The following FAM13C variants were observed in gnomAD, a reference collection of about 807,000 sequenced individuals.
FAM13C encodes family with sequence similarity 13 member C.
Under a neutral mutation model 73.2 loss-of-function variants are expected in FAM13C, and 37 were observed. The observed-to-expected ratio is 0.51, with a 90% CI of 0.39 to 0.67. The LOEUF (loss-of-function observed/expected upper bound fraction) is 0.67, where lower values mean the gene tolerates loss of function less well. FAM13C is among the 30% of genes least tolerant of loss of function. The probability of loss-of-function intolerance (pLI) is 0.00; values close to 1 mark genes in which losing one functional copy is unlikely to be tolerated. For synonymous variants in FAM13C, 246 were observed against 260.9 expected (o/e 0.94, Z 0.55); for missense variants, 589 against 715.6 (o/e 0.82, Z 2.02).
Position 59,283,828 on chromosome 10 carries a change from C to T in FAM13C, c.508-381G>A, listed in dbSNP as rs141736111. 415 of 464,744 alleles carry T rather than the reference C, an allele frequency of 8.9e-4. 7 individuals are homozygous for T. The East Asian group carries it at 0.013, about 14-fold the overall frequency. The allele number at this position is 464,744 out of a possible 1,614,324, so 28.8% of individuals were successfully genotyped here. On this transcript the variant is annotated intron_variant, in intron 5 of 13. Coordinates refer to ENST00000618804, the MANE Select transcript of FAM13C (RefSeq NM_198215.4). Reference sequence around the variant, plus strand: ...TGCTTCCCGGGTGCTTGAGGCTTTACGCTTTGAGTGTTTCATTCATTGTGC... The same window carrying T: ...TGCTTCCCGGGTGCTTGAGGCTTTATGCTTTGAGTGTTTCATTCATTGTGC...
chr10:59,358,777 T>C (rs1017662953), intron 1 of FAM13C, among the ~76,000 whole-genome samples: 2 of 152,174 alleles, frequency 1.3e-5, no homozygotes, highest in Admixed American at 1.3e-4. Flanking sequence ...ACATACAAAG[T>C]TGGAGAAGAT....
At chr10:59,350,849 TA>T in intron 3 of FAM13C, among the ~76,000 whole-genome samples, 1 of 152,310 alleles carries the variant, frequency 6.6e-6, no homozygotes, top group East Asian at 1.9e-4. Flanking sequence ...ATTACAAAAT[TA>T]ACCTATTACA....
At chr10:59,345,164 C>A (rs1351745365) in intron 3 of FAM13C, among the ~76,000 whole-genome samples, 1 of 152,172 alleles carries the variant, frequency 6.6e-6, no homozygotes, top group African/African-American at 2.4e-5. Context: ...AGCATGTAAG[C>A]AGAGATCAGT....
chr10:59,274,343 C>T (rs1050327388), intron 6 of FAM13C, among the ~76,000 whole-genome samples: 3 of 152,004 alleles, frequency 2.0e-5, no homozygotes, highest in Non-Finnish European at 2.9e-5. Context: ...ATAACCAAGG[C>T]GAGAAAACAG....
At chr10:59,252,704 G>A in intron 12 of FAM13C, 95 bp downstream of exon 12, 1 of 1,228,124 alleles carries the variant, frequency 8.1e-7, no homozygotes. Flanking sequence ...CCACCCCTTT[G>A]AGTCCAGCAT....
intron 3 of FAM13C, among the ~76,000 whole-genome samples, chr10:59,341,464 G>C (rs1402214237): frequency 6.6e-6 from 1 of 152,146 alleles, no homozygotes; most frequent in Non-Finnish European, 1.5e-5. Context: ...GAGGCGGGCG[G>C]GTCACCTGAG....
At chr10:59,360,248 G>T (rs1010069575) in intron 1 of FAM13C, among the ~76,000 whole-genome samples, 1 of 152,044 alleles carries the variant, frequency 6.6e-6, no homozygotes, top group Admixed American at 6.6e-5. Context: ...ACTTCCCAAG[G>T]GCACAAACTT....
chr10:59,352,725 T>C (rs919225105), intron 2 of FAM13C, among the ~76,000 whole-genome samples: 1 of 152,218 alleles, frequency 6.6e-6, no homozygotes, highest in Non-Finnish European at 1.5e-5. Context: ...TATACACATA[T>C]CATTATTATT....
At chr10:59,302,092 C>T (rs1386544193) in intron 5 of FAM13C, among the ~76,000 whole-genome samples, 2 of 152,170 alleles carry the variant, frequency 1.3e-5, no homozygotes, top group Non-Finnish European at 2.9e-5. Context: ...TTTGCTATGA[C>T]CTTAATCAGA....
intron 4 of FAM13C, among the ~76,000 whole-genome samples, chr10:59,312,244 A>G (rs1463796186): frequency 6.6e-6 from 1 of 152,242 alleles, no homozygotes; most frequent in Non-Finnish European, 1.5e-5. Context: ...TAAAGTATCA[A>G]TCAGGTTAGC....
intron 5 of FAM13C, among the ~76,000 whole-genome samples, chr10:59,301,496 G>A (rs1454514960): frequency 6.6e-6 from 1 of 152,184 alleles, no homozygotes; most frequent in African/African-American, 2.4e-5. Flanking sequence ...TTTCACAACT[G>A]AGATTTGGGA....
chr10:59,314,036 G>A (rs773527912), intron 4 of FAM13C, among the ~76,000 whole-genome samples: 5 of 152,132 alleles, frequency 3.3e-5, no homozygotes, highest in East Asian at 1.9e-4. Flanking sequence ...CTAGTACCAT[G>A]TGTCTAGTTA....
chr10:59,347,980 A>T (rs766852284), intron 3 of FAM13C, among the ~76,000 whole-genome samples: 15 of 152,202 alleles, frequency 9.9e-5, no homozygotes, highest in Non-Finnish European at 1.3e-4. Context: ...TAGTGCTGCA[A>T]TAAACATACG....
At chr10:59,270,649 G>A (rs561956213) in intron 6 of FAM13C, among the ~76,000 whole-genome samples, 1 of 152,204 alleles carries the variant, frequency 6.6e-6, no homozygotes, top group East Asian at 1.9e-4. Flanking sequence ...TATCTACAAG[G>A]AATGATGTTC....
intron 6 of FAM13C, among the ~76,000 whole-genome samples, chr10:59,272,128 G>GT (rs1342808999): frequency 2.0e-5 from 3 of 152,298 alleles, no homozygotes; most frequent in African/African-American, 7.2e-5. Flanking sequence ...CATTGCAACA[G>GT]TAATTGTAAA....
chr10:59,279,786 T>C (rs1844728595), intron 6 of FAM13C, among the ~76,000 whole-genome samples: 1 of 152,228 alleles, frequency 6.6e-6, no homozygotes, highest in Admixed American at 6.5e-5. Flanking sequence ...GAGCCTATTA[T>C]GTGGGTTTCT....
chr10:59,286,865 T>G (rs565387615), intron 5 of FAM13C, among the ~76,000 whole-genome samples: 1 of 149,986 alleles, frequency 6.7e-6, no homozygotes, highest in Admixed American at 6.6e-5. Context: ...AAACCCTATT[T>G]CTACGAAAAA....
intron 4 of FAM13C, among the ~76,000 whole-genome samples, chr10:59,303,103 G>A (rs2133867028): frequency 6.6e-6 from 1 of 152,216 alleles, no homozygotes; most frequent in African/African-American, 2.4e-5. Context: ...CCACACTCCA[G>A]CCACCCTGGC....
chr10:59,264,212 G>C, intron 8 of FAM13C, 46 bp from the exon 9 acceptor site: 1 of 1,083,024 alleles, frequency 9.2e-7, no homozygotes, highest in Non-Finnish European at 1.4e-6. Flanking sequence ...GGGAAGGAGG[G>C]AGAGGGTGGG....
Sources: gnomAD v4.1 joint callset for allele counts (sites outside exome capture counted in the v4.1 genomes callset) on GRCh38, gnomAD v4.1.1 for gene constraint, MANE v1.5 for transcripts, NCBI Gene and HGNC (gene_info 2026-07-23, HGNC 2026-07-21) for gene names.